Variants in UGGT1 observed in about 807,000 individuals in gnomAD.
UGGT1 encodes UDP-glucose:glycoprotein glucosyltransferase 1.
In UGGT1, 107 loss-of-function variants were observed where a neutral mutation model predicts 203.9. The ratio of observed to expected loss-of-function variants is 0.52; its 90% CI spans 0.45 to 0.62. The LOEUF is 0.62. UGGT1 is among the 20% of genes least tolerant of loss of function. UGGT1 has a pLI of 0.00. For synonymous variants in UGGT1, 628 were observed against 653.5 expected, an observed-to-expected ratio of 0.96 and a Z score of 0.59; for missense variants, 1,673 against 1,867.2, an observed-to-expected ratio of 0.90 and a Z score of 1.92.
At position 128,118,278 on chromosome 2, in the gene UGGT1, T is replaced by C. The variant is rs116512240; in HGVS notation, c.872+1935T>C. Reference sequence around the variant, plus strand: ...TTTCAGAATCCTTTTCTAAAAAAATTTTTTCGAGACAGGGCTTTGCTCTGT... The same window carrying C: ...TTTCAGAATCCTTTTCTAAAAAAATCTTTTCGAGACAGGGCTTTGCTCTGT... On this transcript the variant is annotated intron_variant, in intron 8 of 40. Coordinates refer to ENST00000259253, the MANE Select transcript of UGGT1 (RefSeq NM_020120.4). Among the ~76,000 whole-genome samples, 672 of 152,196 alleles carry C rather than the reference T, an allele frequency of 4.4e-3. 2 individuals carry two copies. The highest frequency in any genetic ancestry group is 0.015 in the African/African-American group (638 of 41,536).
At position 128,178,535 on chromosome 2, in the gene UGGT1, G is replaced by T. The variant is rs758327010; in HGVS notation, c.3781G>T (p.Val1261Phe). The T allele has an allele frequency of 2.5e-6, 4 of 1,613,348 alleles. No individual in the cohort carries two copies. In the African/African-American group the frequency reaches 4.0e-5, roughly 16 times the overall value. ...DKDDIINIFS[V>F]ASGHLYERFL... ...AGATGACATAATTAATATTTTCTCC[G>T]TTGCATCTGGTCATCTCTACGAAAG... Residue 1261 changes from valine to phenylalanine, a missense_variant, in exon 34 of 41, where the codon GTT becomes TTT. This residue lies in a region of UGGT1 where 513 missense variants were observed against 684.1 expected (regional missense o/e 0.75). Coordinates refer to ENST00000259253, the MANE Select transcript of UGGT1 (RefSeq NM_020120.4).
chr2:128,142,500 G>A (rs1461587698), intron 16 of UGGT1, among the ~76,000 whole-genome samples: 2 of 149,392 alleles, frequency 1.3e-5, no homozygotes, highest in African/African-American at 2.5e-5. Flanking sequence ...CAGGAGAAGC[G>A]CTTGAACCTG....
intron 14 of UGGT1, among the ~76,000 whole-genome samples, chr2:128,134,631 C>T (rs1286565561): frequency 6.6e-6 from 1 of 152,210 alleles, no homozygotes; most frequent in African/African-American, 2.4e-5. Flanking sequence ...AAAGCGGCAT[C>T]ATCACTTTGG....
At chr2:128,186,944 G>A (rs533827738) in intron 39 of UGGT1, 145 bp downstream of exon 39, 2 of 601,562 alleles carry the variant, frequency 3.3e-6, no homozygotes, top group Non-Finnish European at 5.7e-6. Flanking sequence ...AGTTTGTCGG[G>A]GCTATTCTTA....
At chr2:128,179,914 A>G in intron 35 of UGGT1, 44 bp downstream of exon 35, 1 of 1,543,078 alleles carries the variant, frequency 6.5e-7, no homozygotes, top group Non-Finnish European at 8.9e-7. Flanking sequence ...TTAAGGAGAT[A>G]TTTACTGTAT....
chr2:128,137,066 C>G (rs1368598569), intron 15 of UGGT1, among the ~76,000 whole-genome samples: 3 of 152,050 alleles, frequency 2.0e-5, no homozygotes, highest in Non-Finnish European at 4.4e-5. Context: ...TTTTTTCCCC[C>G]TGCCCTTTTG....
intron 19 of UGGT1, among the ~76,000 whole-genome samples, chr2:128,153,551 A>G (rs911484455): frequency 1.3e-5 from 2 of 152,062 alleles, no homozygotes; most frequent in Non-Finnish European, 1.5e-5. Flanking sequence ...GCAACAACTA[A>G]TCTACTTTCT....
At chr2:128,183,119 A>G (rs758405768) in intron 37 of UGGT1, among the ~76,000 whole-genome samples, 8 of 152,186 alleles carry the variant, frequency 5.3e-5, no homozygotes, top group Non-Finnish European at 1.2e-4. Flanking sequence ...TAGACCTTTT[A>G]GGTCGAACAG....
In UGGT1 at chr2:128,091,643, A is replaced by G. The variant is rs75904319; in HGVS notation, c.58+228A>G. 4.0e-4 allele frequency: 548 copies of G among 1,381,982 alleles called. 3 individuals are homozygous for G. The African/African-American group carries it at 6.5e-3, about 16-fold the overall frequency. The allele number at this position is 1,381,982 out of a possible 1,614,324, so 85.6% of individuals were successfully genotyped here. ...CGGCGGGCTCTGTTCAGCGGTCTTG[A>G]ACCTTCTTTGAAGAGCTTTAGATCC... On this transcript the variant is annotated intron_variant, in intron 1 of 40. Coordinates refer to ENST00000259253, the MANE Select transcript of UGGT1 (RefSeq NM_020120.4).
chr2:128,106,147 A>C (rs1328594275), intron 3 of UGGT1, among the ~76,000 whole-genome samples: 1 of 150,806 alleles, frequency 6.6e-6, no homozygotes, highest in African/African-American at 2.4e-5. Flanking sequence ...TAGATATGTA[A>C]ATATTTTAAA....
At chr2:128,099,930 A>G (rs1312879950) in intron 2 of UGGT1, among the ~76,000 whole-genome samples, 1 of 151,474 alleles carries the variant, frequency 6.6e-6, no homozygotes, top group Non-Finnish European at 1.5e-5. Flanking sequence ...CCTGAGCTGG[A>G]CTCTAAAAAC....
At chr2:128,146,401 A>T (rs1689691723) in intron 18 of UGGT1, among the ~76,000 whole-genome samples, 1 of 152,202 alleles carries the variant, frequency 6.6e-6, no homozygotes, top group African/African-American at 2.4e-5. Flanking sequence ...TGATGAAAAT[A>T]TTCATAAATC....
At chr2:128,098,242 C>T (rs974457841) in intron 2 of UGGT1, among the ~76,000 whole-genome samples, 6 of 152,124 alleles carry the variant, frequency 3.9e-5, no homozygotes, top group African/African-American at 9.7e-5. Context: ...GGCTTAGCAA[C>T]GTGGGGGAAA....
rs866616137 is a variant in UGGT1, at chr2:128,112,456, A to T, written c.522-628A>T. 4.6e-4 allele frequency among the ~76,000 whole-genome samples: 41 copies of T among 88,912 alleles called. 2 individuals are homozygous for T. Among genetic ancestry groups the T allele is most frequent in the African/African-American group, 1.5e-3 (39 of 26,224 alleles). The allele number at this position is 88,912 out of a possible 152,430, so 58.3% of individuals were successfully genotyped here. A position where few individuals can be genotyped will look rare whatever the true frequency, so the allele number is the denominator to read the frequency against. On this transcript the variant is annotated intron_variant, in intron 5 of 40. Transcript: ENST00000259253. ...AAAACCCCCCAAAAAATACTATGTT[A>T]TATATATATATATATATTACATACA...
At chr2:128,098,437 T>G (rs1416381195) in intron 2 of UGGT1, among the ~76,000 whole-genome samples, 1 of 152,200 alleles carries the variant, frequency 6.6e-6, no homozygotes, top group Non-Finnish European at 1.5e-5. Flanking sequence ...ATTATGCCCA[T>G]GCAGCTCAAT....
chr2:128,160,428 C>T (rs759708475), intron 23 of UGGT1, 32 bp from the exon 24 acceptor site: 1 of 1,571,824 alleles, frequency 6.4e-7, no homozygotes, highest in Non-Finnish European at 8.6e-7. Flanking sequence ...TTAGTAACGA[C>T]TATTTTTCCT....
chr2:128,135,677 T>A (rs1281276761), intron 15 of UGGT1, among the ~76,000 whole-genome samples: 1 of 152,218 alleles, frequency 6.6e-6, no homozygotes, highest in Non-Finnish European at 1.5e-5. Flanking sequence ...CTCTGTATAC[T>A]TTCAAACCCT....
intron 16 of UGGT1, chr2:128,139,927 C>A (rs1406560869): frequency 6.5e-6 from 1 of 153,644 alleles, no homozygotes; most frequent in East Asian, 1.9e-4. Context: ...GCGTGTGCCA[C>A]CATGGAGAAG....
chr2:128,152,939 T>C (rs762272813), intron 19 of UGGT1, 35 bp downstream of exon 19: 3 of 1,607,574 alleles, frequency 1.9e-6, no homozygotes, highest in Non-Finnish European at 2.5e-6. Flanking sequence ...TTATGCTTTT[T>C]TTGACTTGTG....
Sources: gnomAD v4.1 joint callset for allele counts (sites outside exome capture counted in the v4.1 genomes callset) on GRCh38, gnomAD v4.1.1 for gene constraint, gnomAD v4.1.1 regional missense constraint, MANE v1.5 for transcripts, NCBI Gene and HGNC (gene_info 2026-07-23, HGNC 2026-07-21) for gene names.